The following CDH13 variants were observed in gnomAD, a reference collection of about 807,000 sequenced individuals.
The protein encoded by CDH13 is cadherin-13.
A neutral mutation model predicts 63.8 loss-of-function variants in CDH13; 24 were observed. The observed-to-expected ratio is 0.38, with a 90% CI of 0.27 to 0.53. The LOEUF (loss-of-function observed/expected upper bound fraction) is 0.53, where lower values mean the gene tolerates loss of function less well. CDH13 is among the 20% of genes least tolerant of loss of function. CDH13 has a pLI of 0.85. For synonymous variants in CDH13, 503 were observed against 355.3 expected (o/e 1.42, Z -4.67); for missense variants, 1,049 against 903.1 (o/e 1.16, Z -2.07).
At chr16:83,788,565 A>G (rs1916044582) in intron 13 of CDH13, among the ~76,000 whole-genome samples, 1 of 152,052 alleles carries the variant, frequency 6.6e-6, no homozygotes, top group Non-Finnish European at 1.5e-5. Context: ...TGATCTACAG[A>G]TGACAATCAT....
chr16:83,187,142 TA>T (rs1162406141), intron 4 of CDH13, among the ~76,000 whole-genome samples: 5 of 152,112 alleles, frequency 3.3e-5, no homozygotes, highest in African/African-American at 1.2e-4. Flanking sequence ...AACTAATTTT[TA>T]TGTTTTTAGT....
intron 8 of CDH13, among the ~76,000 whole-genome samples, chr16:83,614,444 A>G (rs1909117820): frequency 6.6e-6 from 1 of 152,172 alleles, no homozygotes; most frequent in South Asian, 2.1e-4. Context: ...CCTCTTAGAC[A>G]GCACCTTCTG....
intron 1 of CDH13, among the ~76,000 whole-genome samples, chr16:82,728,526 C>T (rs941120471): frequency 6.6e-6 from 1 of 152,082 alleles, no homozygotes; most frequent in Non-Finnish European, 1.5e-5. Flanking sequence ...AGTATTATGT[C>T]TAAAACGTGT....
chr16:83,530,357 A>T (rs2075056352), intron 7 of CDH13, among the ~76,000 whole-genome samples: 1 of 152,170 alleles, frequency 6.6e-6, no homozygotes. Flanking sequence ...TATGATTCTC[A>T]TATTAGACAC....
intron 1 of CDH13, among the ~76,000 whole-genome samples, chr16:82,833,837 C>T (rs566617637): frequency 6.6e-6 from 1 of 152,310 alleles, no homozygotes; most frequent in South Asian, 2.1e-4. Flanking sequence ...CTGAGGGTTT[C>T]TTCCTGGTTG....
intron 6 of CDH13, among the ~76,000 whole-genome samples, chr16:83,370,177 G>C (rs1166557570): frequency 6.6e-6 from 1 of 152,156 alleles, no homozygotes; most frequent in East Asian, 1.9e-4. Flanking sequence ...CGTGAAGTCA[G>C]GAGATTGAGA....
intron 2 of CDH13, among the ~76,000 whole-genome samples, chr16:83,015,622 G>C (rs891343396): frequency 7.3e-6 from 1 of 137,186 alleles, no homozygotes; most frequent in African/African-American, 2.7e-5. Flanking sequence ...AAATATCACA[G>C]TTGTGGGGAC....
At chr16:83,718,187 G>A (rs999743238) in intron 10 of CDH13, among the ~76,000 whole-genome samples, 2 of 152,156 alleles carry the variant, frequency 1.3e-5, no homozygotes, top group Non-Finnish European at 2.9e-5. Flanking sequence ...CACACACTCT[G>A]CATTGTCCAT....
At chr16:83,146,576 G>A (rs1015437407) in intron 4 of CDH13, among the ~76,000 whole-genome samples, 2 of 152,230 alleles carry the variant, frequency 1.3e-5, no homozygotes, top group Non-Finnish European at 2.9e-5. Flanking sequence ...TTTCAAGAAA[G>A]CAAGATATTT....
In CDH13 at chr16:83,158,738, C is replaced by A. The variant is rs554516199; in HGVS notation, c.483+33237C>A. On this transcript the variant is annotated intron_variant, in intron 4 of 13. Coordinates refer to ENST00000567109, the MANE Select transcript of CDH13 (RefSeq NM_001257.5). ...TGGCCAGGAAGGTGCCCAGCTGGGTCGCACCCTTGCTCGAGTCACTGAGCA... is the reference window on the plus strand; with the variant it reads ...TGGCCAGGAAGGTGCCCAGCTGGGTAGCACCCTTGCTCGAGTCACTGAGCA... 2.0e-5 allele frequency among the ~76,000 whole-genome samples: 3 copies of A among 152,312 alleles called. No individual in the cohort carries two copies. The South Asian group carries it at 6.2e-4, about 32-fold the overall frequency.
intron 6 of CDH13, among the ~76,000 whole-genome samples, chr16:83,480,049 G>A (rs1028748831): frequency 1.3e-5 from 2 of 152,206 alleles, no homozygotes; most frequent in Admixed American, 6.5e-5. Flanking sequence ...TTGAGGTGGG[G>A]CGTGATGGCT....
rs1383984236 is a variant in CDH13 at position 82,842,129 on chromosome 16, TATATATATACAC to T, written c.46-16223_46-16212del. On this transcript the variant is annotated intron_variant, in intron 1 of 13. Coordinates refer to ENST00000567109, the MANE Select transcript of CDH13 (RefSeq NM_001257.5). ...ATATATATGTATATATATATATATA[TATATATATACAC>T]ATATATATATATATATATATATACA... is the stretch of plus-strand genomic sequence containing the variant. 8.2e-4 allele frequency among the ~76,000 whole-genome samples: 40 copies of T among 48,700 alleles called. 1 individual carries two copies. Among genetic ancestry groups the T allele is most frequent in the African/African-American group, 1.1e-3 (16 of 14,422 alleles). 31.9% of individuals were successfully genotyped at this position (48,700 alleles called of 152,430 possible).
intron 1 of CDH13, among the ~76,000 whole-genome samples, chr16:82,848,822 A>C (rs2039369230): frequency 6.6e-6 from 1 of 152,220 alleles, no homozygotes; most frequent in African/African-American, 2.4e-5. Flanking sequence ...CTCTCTTTAA[A>C]TCAAACCTAG....
intron 6 of CDH13, among the ~76,000 whole-genome samples, chr16:83,468,286 G>C (rs577926178): frequency 6.6e-6 from 1 of 152,280 alleles, no homozygotes; most frequent in African/African-American, 2.4e-5. Flanking sequence ...GAACACAGGT[G>C]CACAGAAGCA....
In CDH13 at chr16:83,254,863, C is replaced by G. The variant is rs116072510; in HGVS notation, c.636+37366C>G. On this transcript the variant is annotated intron_variant, in intron 5 of 13. Transcript: ENST00000567109. Reference sequence around the variant, plus strand: ...CAATTAAATTCCTTGTAAAAATGGTCCCTACTAGGGGAAATGCTAGATGAG... The same window carrying G: ...CAATTAAATTCCTTGTAAAAATGGTGCCTACTAGGGGAAATGCTAGATGAG... Among the ~76,000 whole-genome samples, 834 of 152,148 alleles carry G rather than the reference C, an allele frequency of 5.5e-3. 13 individuals are homozygous for G. Among genetic ancestry groups the G allele is most frequent in the African/African-American group, 0.019 (790 of 41,488 alleles).
At chr16:83,786,915 A>T (rs1281513472) in intron 13 of CDH13, among the ~76,000 whole-genome samples, 1 of 152,154 alleles carries the variant, frequency 6.6e-6, no homozygotes, top group Non-Finnish European at 1.5e-5. Context: ...TCAGAAAGTA[A>T]AATATTACAG....
At chr16:83,680,093 G>T (rs1250378118) in intron 10 of CDH13, among the ~76,000 whole-genome samples, 6 of 152,204 alleles carry the variant, frequency 3.9e-5, no homozygotes, top group Non-Finnish European at 8.8e-5. Flanking sequence ...ATACGATGGA[G>T]GAATATCTGA....
rs1156898234 is a variant in CDH13 at position 83,601,651 on chromosome 16, G to C, written c.961-803G>C. 5.9e-5 allele frequency among the ~76,000 whole-genome samples: 9 copies of C among 152,126 alleles called. No homozygotes were observed. In the South Asian group the frequency reaches 1.7e-3, roughly 28 times the overall value. ...ATTAACAAGGATTTCTATAAAGTGA[G>C]GTAATGCAATGCCTGCCTCATCAGA... On this transcript the variant is annotated intron_variant, in intron 7 of 13. Transcript: ENST00000567109.
chr16:82,743,005 T>G (rs2034002339), intron 1 of CDH13, among the ~76,000 whole-genome samples: 1 of 152,334 alleles, frequency 6.6e-6, no homozygotes, highest in South Asian at 2.1e-4. Context: ...AGAATAACCA[T>G]GAGAAATAAT....
Sources: gnomAD v4.1 joint callset for allele counts (sites outside exome capture counted in the v4.1 genomes callset) on GRCh38, gnomAD v4.1.1 for gene constraint, MANE v1.5 for transcripts, NCBI Gene and HGNC (gene_info 2026-07-23, HGNC 2026-07-21) for gene names.